Variants in RFX4 observed in about 807,000 individuals in gnomAD.
RFX4 encodes regulatory factor X4.
In RFX4, 10 loss-of-function variants were observed where a neutral mutation model predicts 95.0. That is an observed-to-expected ratio of 0.11 (90% CI 0.06 to 0.18). RFX4 has a LOEUF of 0.18. Ranked by LOEUF, RFX4 falls within the 10% of genes least tolerant of loss-of-function variation. RFX4 has a pLI of 1.00. For missense variants in RFX4, 640 were observed against 922.0 expected, an observed-to-expected ratio of 0.69 and a Z score of 3.96; for synonymous variants, 321 against 340.7, an observed-to-expected ratio of 0.94 and a Z score of 0.64.
intron 3 of RFX4, among the ~76,000 whole-genome samples, chr12:106,646,934 C>T (rs1245471107): frequency 6.6e-6 from 1 of 152,170 alleles, no homozygotes; most frequent in Non-Finnish European, 1.5e-5. Flanking sequence ...GTCTACTTGG[C>T]AGCAAAGCAT....
intron 1 of RFX4, chr12:106,601,257 C>T: frequency 2.5e-6 from 4 of 1,576,476 alleles, no homozygotes; most frequent in Non-Finnish European, 3.4e-6. Flanking sequence ...AGGAGAGAGA[C>T]AGAAAGGGGC....
chr12:106,594,066 GC>G (rs2039581990), intron 1 of RFX4, among the ~76,000 whole-genome samples: 1 of 152,168 alleles, frequency 6.6e-6, no homozygotes, highest in South Asian at 2.1e-4. Context: ...AACACAGTTT[GC>G]TTCCTCCTTA....
intron 7 of RFX4, among the ~76,000 whole-genome samples, chr12:106,694,367 C>A (rs759644704): frequency 6.6e-6 from 1 of 152,158 alleles, no homozygotes; most frequent in Admixed American, 6.5e-5. Context: ...AGGCTAGAGT[C>A]GGGGCATGGC....
rs982780454 is a variant in RFX4, at chr12:106,635,537, T to A, written c.131-3795T>A. Among the ~76,000 whole-genome samples the A allele has an allele frequency of 2.0e-5, 3 of 152,182 alleles. No homozygotes were observed. The East Asian group carries it at 5.8e-4, about 29-fold the overall frequency. ...TGTGTTGGGCAGGCTGGTCTCAAAC[T>A]CCTGGCCTCAAGTGATCTGCCCCCC... On this transcript the variant is annotated intron_variant, in intron 2 of 17. Transcript: ENST00000392842.
At position 106,586,261 on chromosome 12, in the gene RFX4, C is replaced by T. The variant is rs149043501; in HGVS notation, c.43+2898C>T. Among the ~76,000 whole-genome samples the T allele has an allele frequency of 6.6e-6, 1 of 152,080 alleles. No individual in the cohort carries two copies. Among genetic ancestry groups the T allele is most frequent in the Admixed American group, 6.5e-5 (1 of 15,282 alleles). ...GCGCAGGCGCGCGTCCCGCTCGGCC[C>T]GCGCTACAGCCCCACGCCGCGCAAA... is the stretch of plus-strand genomic sequence containing the variant. On this transcript the variant is annotated intron_variant, in intron 1 of 17. Transcript: ENST00000392842. This position sits in a 1 kb window ranked among gnomAD's most constrained non-coding sequence, Gnocchi z 5.6.
At chr12:106,705,412 C>T (rs1592961671) in intron 8 of RFX4, among the ~76,000 whole-genome samples, 1 of 152,174 alleles carries the variant, frequency 6.6e-6, no homozygotes, top group East Asian at 1.9e-4. Context: ...AGGACAGACC[C>T]TGGCATCCCA....
chr12:106,674,584 C>A, intron 4 of RFX4, among the ~76,000 whole-genome samples: 1 of 151,892 alleles, frequency 6.6e-6, no homozygotes, highest in African/African-American at 2.4e-5. Flanking sequence ...CCTGCCTCAC[C>A]CTCCCAAAGT....
intron 1 of RFX4, among the ~76,000 whole-genome samples, chr12:106,606,838 T>C (rs2137197520): frequency 6.6e-6 from 1 of 152,368 alleles, no homozygotes. Context: ...GCTGTTGGCA[T>C]TGATTTCCCC....
intron 3 of RFX4, among the ~76,000 whole-genome samples, chr12:106,642,360 A>T (rs1318901590): frequency 6.6e-6 from 1 of 151,684 alleles, no homozygotes; most frequent in Non-Finnish European, 1.5e-5. Flanking sequence ...TCACGCCTGT[A>T]ATCCCAGCAC....
chr12:106,641,028 G>C (rs2040612650), intron 3 of RFX4, among the ~76,000 whole-genome samples: 1 of 152,078 alleles, frequency 6.6e-6, no homozygotes, highest in Non-Finnish European at 1.5e-5. Context: ...TGACCCTCCT[G>C]CCTTGGCCTG....
intron 4 of RFX4, among the ~76,000 whole-genome samples, chr12:106,666,690 T>A (rs1055421014): frequency 6.6e-6 from 1 of 152,226 alleles, no homozygotes; most frequent in Non-Finnish European, 1.5e-5. Flanking sequence ...TCTAGTCACC[T>A]GCAAATCCAT....
intron 3 of RFX4, among the ~76,000 whole-genome samples, chr12:106,653,271 A>G (rs993882139): frequency 1.3e-5 from 2 of 152,186 alleles, no homozygotes; most frequent in South Asian, 4.1e-4. Flanking sequence ...TTTTGTTTAT[A>G]TCCCCAATAT....
intron 2 of RFX4, among the ~76,000 whole-genome samples, chr12:106,610,413 C>T (rs1021159706): frequency 6.6e-6 from 1 of 152,232 alleles, no homozygotes; most frequent in Admixed American, 6.5e-5. Flanking sequence ...ATTTCCAGAG[C>T]TTTCTTCATC....
intron 17 of RFX4, among the ~76,000 whole-genome samples, chr12:106,758,779 G>A (rs1032461623): frequency 6.6e-6 from 1 of 152,124 alleles, no homozygotes; most frequent in African/African-American, 2.4e-5. Flanking sequence ...CTTTGGGACG[G>A]TCATATCAAT....
chr12:106,613,369 T>TA (rs2137216212), intron 2 of RFX4, among the ~76,000 whole-genome samples: 1 of 149,660 alleles, frequency 6.7e-6, no homozygotes, highest in South Asian at 2.1e-4. Flanking sequence ...TGCATCAATT[T>TA]TTTTTTTTTT....
In RFX4 at chr12:106,583,419, G is replaced by A. The variant is rs991001214; in HGVS notation, c.43+56G>A. 2.6e-5 allele frequency: 39 copies of A among 1,479,966 alleles called. No individual in the cohort carries two copies. In the African/African-American group the frequency reaches 5.1e-4, roughly 19 times the overall value. 91.7% of individuals were successfully genotyped at this position (1,479,966 alleles called of 1,614,324 possible). A position where few individuals can be genotyped will look rare whatever the true frequency, so the allele number is the denominator to read the frequency against. On this transcript the variant is annotated intron_variant, in intron 1 of 17. Coordinates refer to ENST00000392842, the MANE Select transcript of RFX4 (RefSeq NM_213594.3). Reference sequence around the variant, plus strand: ...CATTGGGAGGGAAGGAGAAGGGAGAGGGGGAACTTTAGAAAGAAGTTGGGA... The same window carrying A: ...CATTGGGAGGGAAGGAGAAGGGAGAAGGGGAACTTTAGAAAGAAGTTGGGA...
chr12:106,626,382 G>A (rs1414715816), intron 2 of RFX4, among the ~76,000 whole-genome samples: 2 of 152,272 alleles, frequency 1.3e-5, no homozygotes, highest in African/African-American at 2.4e-5. Flanking sequence ...AATCGGGGGA[G>A]GCAGAAAGCT....
At chr12:106,653,222 G>A (rs760498128) in intron 3 of RFX4, among the ~76,000 whole-genome samples, 1 of 152,078 alleles carries the variant, frequency 6.6e-6, no homozygotes, top group Non-Finnish European at 1.5e-5. Flanking sequence ...CTGGTGTTTG[G>A]GTTAAAGAAT....
intron 2 of RFX4, among the ~76,000 whole-genome samples, chr12:106,630,457 C>G (rs2040396533): frequency 6.6e-6 from 1 of 152,174 alleles, no homozygotes; most frequent in African/African-American, 2.4e-5. Flanking sequence ...AGCCACGTTC[C>G]CACGGGGAGA....
Sources: gnomAD v4.1 joint callset for allele counts (sites outside exome capture counted in the v4.1 genomes callset) on GRCh38, gnomAD v4.1.1 for gene constraint, Gnocchi (gnomAD v3.1) non-coding constraint, MANE v1.5 for transcripts, NCBI Gene and HGNC (gene_info 2026-07-23, HGNC 2026-07-21) for gene names.